The following STIM1 variants were observed in gnomAD, a reference collection of about 807,000 sequenced individuals.
STIM1 encodes stromal interaction molecule 1.
Under a neutral mutation model 74.7 loss-of-function variants are expected in STIM1, and 25 were observed. That is an observed-to-expected ratio of 0.33 (90% confidence interval 0.24 to 0.47). The LOEUF is 0.47. Among genes scored for constraint, STIM1 ranks in the 20% least tolerant of loss-of-function variants. The probability of loss-of-function intolerance (pLI) is 1.00; values close to 1 mark genes in which losing one functional copy is unlikely to be tolerated. For synonymous variants in STIM1, 328 were observed against 348.8 expected, an observed-to-expected ratio of 0.94 and a Z score of 0.66; for missense variants, 728 against 920.8, an observed-to-expected ratio of 0.79 and a Z score of 2.71.
intron 1 of STIM1, among the ~76,000 whole-genome samples, chr11:3,947,922 T>C (rs1331691324): frequency 6.6e-6 from 1 of 152,196 alleles, no homozygotes; most frequent in Non-Finnish European, 1.5e-5. Flanking sequence ...GTAGAAGTGA[T>C]CAACATAGTT....
At chr11:4,010,700 G>A (rs1211068278) in intron 2 of STIM1, among the ~76,000 whole-genome samples, 1 of 151,306 alleles carries the variant, frequency 6.6e-6, no homozygotes, top group African/African-American at 2.4e-5. Context: ...GTTTCTATGG[G>A]TTCTGCCTTT....
chr11:4,059,961 C>T (rs1165856471), intron 5 of STIM1, among the ~76,000 whole-genome samples: 1 of 152,152 alleles, frequency 6.6e-6, no homozygotes, highest in Non-Finnish European at 1.5e-5. Flanking sequence ...AGCATATCAG[C>T]AGGTTTATAT....
intron 2 of STIM1, among the ~76,000 whole-genome samples, chr11:3,978,148 C>CTTTT (rs768698563): frequency 7.2e-6 from 1 of 139,386 alleles, no homozygotes. Flanking sequence ...TGCCTGTGTA[C>CTTTT]TTTTTTTTTT....
At position 4,059,353 on chromosome 11, in the gene STIM1, G is replaced by T. The variant is rs200233698; in HGVS notation, c.570G>T (p.Leu190=). ...KMTDRSHRQK[L]QLKALDTVLF... ...CAGACCGGAGTCATCGGCAGAAGCT[G>T]CAGCTGAAGGCTCTGGATACAGTGC... The change falls in exon 5 of 13, where the codon CTG becomes CTT. Residue 190 remains leucine (L), a synonymous_variant. Transcript: ENST00000526596. 1.1e-4 allele frequency: 177 copies of T among 1,614,098 alleles called. No homozygotes were observed. The highest frequency in any genetic ancestry group is 2.3e-4 in the Admixed American group (14 of 60,024).
intron 1 of STIM1, among the ~76,000 whole-genome samples, chr11:3,880,543 T>C (rs1213547354): frequency 6.6e-6 from 1 of 152,234 alleles, no homozygotes; most frequent in Non-Finnish European, 1.5e-5. Context: ...TTAGAATTGT[T>C]GGTTCTGGAA....
chr11:4,076,683 G>GT (rs200740802), intron 7 of STIM1, among the ~76,000 whole-genome samples: 144 of 140,632 alleles, frequency 1.0e-3, no homozygotes, highest in African/African-American at 2.6e-3. Context: ...AAGGATCTTT[G>GT]TTTTTTTTCC....
chr11:3,964,867 G>C (rs1046553797), intron 1 of STIM1, among the ~76,000 whole-genome samples: 6 of 152,050 alleles, frequency 3.9e-5, no homozygotes, highest in Non-Finnish European at 7.4e-5. Context: ...TGGGACCACA[G>C]GTGTGTGCCA....
rs143451980 is a variant in STIM1 at position 3,967,417 on chromosome 11, C to G, written c.140-135C>G. ...CAGTTACAGTCTAGATGAAACACCT[C>G]TGTCACTGTACAAGTAGCCAGTTAA... On this transcript the variant is annotated intron_variant, in intron 1 of 12. Coordinates refer to ENST00000526596, the MANE Select transcript of STIM1 (RefSeq NM_001382567.1). 176 of 1,311,888 alleles carry G rather than the reference C, an allele frequency of 1.3e-4. 1 individual carries two copies. In the East Asian group the frequency reaches 2.9e-3, roughly 21 times the overall value. The allele number at this position is 1,311,888 out of a possible 1,614,324, so 81.3% of individuals were successfully genotyped here.
intron 11 of STIM1, among the ~76,000 whole-genome samples, chr11:4,085,145 C>T (rs7109811): frequency 0.81 from 122,076 of 150,568 alleles, 51,499 homozygotes; most frequent in East Asian, 0.95. Flanking sequence ...CCCCTTCCCC[C>T]CCCTATTCCA....
At chr11:4,089,991 T>C (rs1390293284) in intron 12 of STIM1, among the ~76,000 whole-genome samples, 2 of 152,188 alleles carry the variant, frequency 1.3e-5, no homozygotes, top group Non-Finnish European at 2.9e-5. Context: ...GCATCTGGAA[T>C]TGATTCATGG....
chr11:4,011,992 A>G (rs2093841652), intron 2 of STIM1, among the ~76,000 whole-genome samples: 2 of 152,118 alleles, frequency 1.3e-5, no homozygotes, highest in Admixed American at 1.3e-4. Flanking sequence ...TCCCTTCTCC[A>G]TTGCTTGTTT....
chr11:4,069,788 TC>T (rs1413667759), intron 5 of STIM1, among the ~76,000 whole-genome samples: 16 of 152,354 alleles, frequency 1.1e-4, no homozygotes, highest in African/African-American at 3.8e-4. Flanking sequence ...TTAATAAGCA[TC>T]CTGTATTGCT....
In STIM1 at chr11:4,074,846, T is replaced by C. The variant is rs111991757; in HGVS notation, c.969+167T>C. 0.012 allele frequency among the ~76,000 whole-genome samples: 1,814 copies of C among 152,186 alleles called. 21 individuals are homozygous for C. The highest frequency in any genetic ancestry group is 0.019 in the Non-Finnish European group (1,321 of 68,002). On this transcript the variant is annotated intron_variant, in intron 7 of 12. Transcript: ENST00000526596. ...CAATAAGAGTTCAAGTTGTAAAAAA[T>C]AGTCACTATGGGCCAGGCACAGTGG...
chr11:3,946,143 G>A (rs1034600907), intron 1 of STIM1, among the ~76,000 whole-genome samples: 9 of 152,148 alleles, frequency 5.9e-5, no homozygotes, highest in Admixed American at 2.0e-4. Context: ...AACAGCAGGC[G>A]CTGGATAGGA....
intron 2 of STIM1, among the ~76,000 whole-genome samples, chr11:4,016,919 C>A (rs945247750): frequency 1.3e-5 from 2 of 152,224 alleles, no homozygotes; most frequent in East Asian, 3.8e-4. Flanking sequence ...TTGCGAAGAC[C>A]GTGGGAAAAG....
intron 1 of STIM1, among the ~76,000 whole-genome samples, chr11:3,886,811 G>T (rs952792055): frequency 6.6e-6 from 1 of 151,752 alleles, no homozygotes; most frequent in Non-Finnish European, 1.5e-5. Flanking sequence ...AGATCATCCT[G>T]GATAACATGG....
At chr11:3,967,529 TG>T (rs2093350780) in intron 1 of STIM1, 22 bp from the exon 2 acceptor site, 1 of 1,614,058 alleles carries the variant, frequency 6.2e-7, no homozygotes, top group East Asian at 2.2e-5. Flanking sequence ...TGAGTAATTT[TG>T]TCTCTTGCTT....
chr11:3,912,936 C>G (rs988628622), intron 1 of STIM1, among the ~76,000 whole-genome samples: 1 of 152,124 alleles, frequency 6.6e-6, no homozygotes, highest in African/African-American at 2.4e-5. Context: ...CTTCTCTTTC[C>G]CTTTTTCCCT....
intron 2 of STIM1, among the ~76,000 whole-genome samples, chr11:3,991,976 A>G (rs1452923082): frequency 6.9e-6 from 1 of 145,454 alleles, no homozygotes; most frequent in Non-Finnish European, 1.5e-5. Flanking sequence ...AAAAAAAGAA[A>G]AAAAAAAAAA....
Sources: allele counts gnomAD v4.1 joint callset (sites outside exome capture counted in the v4.1 genomes callset), GRCh38; gene constraint gnomAD v4.1.1; transcripts MANE v1.5; gene names NCBI Gene and HGNC (gene_info 2026-07-23, HGNC 2026-07-21).